The following NEGR1 variants were observed in gnomAD, a reference collection of about 807,000 sequenced individuals.
The protein encoded by NEGR1 is neuronal growth regulator 1.
NEGR1 carries 10 observed loss-of-function variants against 40.9 expected under a neutral mutation model. The observed-to-expected ratio is 0.24, with a 90% CI of 0.15 to 0.42. NEGR1 has a LOEUF of 0.42. Ranked by LOEUF, NEGR1 falls within the 10% of genes least tolerant of loss-of-function variation. The pLI, the probability that NEGR1 is intolerant of heterozygous loss-of-function variation, is 1.00. For synonymous variants in NEGR1, 185 were observed against 166.8 expected, an observed-to-expected ratio of 1.11 and a Z score of -0.84; for missense variants, 352 against 438.9, an observed-to-expected ratio of 0.80 and a Z score of 1.77.
At chr1:72,208,997 A>G (rs1653504932) in intron 1 of NEGR1, among the ~76,000 whole-genome samples, 1 of 151,680 alleles carries the variant, frequency 6.6e-6, no homozygotes, top group African/African-American at 2.4e-5. Flanking sequence ...AGTTTTTGCA[A>G]ATTTTACCTT....
At chr1:71,857,347 C>T (rs1182167740) in intron 2 of NEGR1, among the ~76,000 whole-genome samples, 1 of 150,494 alleles carries the variant, frequency 6.6e-6, no homozygotes, top group African/African-American at 2.4e-5. Flanking sequence ...CACTGTGGCT[C>T]ATGCCTGTAT....
At chr1:71,522,802 T>C (rs1245467801) in intron 6 of NEGR1, among the ~76,000 whole-genome samples, 1 of 149,166 alleles carries the variant, frequency 6.7e-6, no homozygotes, top group Non-Finnish European at 1.5e-5. Flanking sequence ...AGGTACAGAC[T>C]CACACGCTCC....
intron 1 of NEGR1, among the ~76,000 whole-genome samples, chr1:72,277,679 CT>C (rs1436277269): frequency 6.6e-6 from 1 of 151,948 alleles, no homozygotes; most frequent in Non-Finnish European, 1.5e-5. Flanking sequence ...TATCCCTGCT[CT>C]TTTTAAAAAG....
chr1:72,213,792 G>A (rs1653696689), intron 1 of NEGR1, among the ~76,000 whole-genome samples: 1 of 152,052 alleles, frequency 6.6e-6, no homozygotes, highest in South Asian at 2.1e-4. Context: ...GAGGGACAAA[G>A]AGGAGCTGGT....
intron 1 of NEGR1, among the ~76,000 whole-genome samples, chr1:72,210,373 T>A (rs1557580070): frequency 6.6e-6 from 1 of 151,788 alleles, no homozygotes; most frequent in African/African-American, 2.4e-5. Flanking sequence ...AACAAACACA[T>A]AAAACACTTC....
intron 6 of NEGR1, among the ~76,000 whole-genome samples, chr1:71,505,297 C>CT (rs1162684215): frequency 5.3e-5 from 8 of 150,408 alleles, no homozygotes; most frequent in Admixed American, 2.0e-4. Flanking sequence ...CTTTTTTTTT[C>CT]TTTTTTTTGA....
intron 1 of NEGR1, among the ~76,000 whole-genome samples, chr1:72,156,379 A>G (rs1238405108): frequency 6.6e-6 from 1 of 152,134 alleles, no homozygotes; most frequent in Non-Finnish European, 1.5e-5. Flanking sequence ...ATGTCTCAAA[A>G]TATGTCTTGA....
intron 6 of NEGR1, among the ~76,000 whole-genome samples, chr1:71,443,061 C>G (rs192464190): frequency 6.6e-6 from 1 of 152,202 alleles, no homozygotes; most frequent in Non-Finnish European, 1.5e-5. Context: ...TCACCTTGAA[C>G]CTTCTGGTCA....
intron 1 of NEGR1, among the ~76,000 whole-genome samples, chr1:72,192,015 TCTTTA>T (rs1652836983): frequency 6.6e-6 from 1 of 151,974 alleles, no homozygotes; most frequent in African/African-American, 2.4e-5. Flanking sequence ...AAAATTATAG[TCTTTA>T]CTTGTTTTAT....
At position 72,212,387 on chromosome 1, in the gene NEGR1, T is replaced by G. The variant is rs1236627568; in HGVS notation, c.176+69932A>C. 3.9e-5 allele frequency among the ~76,000 whole-genome samples: 6 copies of G among 151,926 alleles called. No homozygotes were observed. The Admixed American group carries it at 4.0e-4, about 10-fold the overall frequency. ...TCATTGGTTAAGCGTTATCCTGAAA[T>G]GGACAGGACCAAATTAAAACATTGG... On this transcript the variant is annotated intron_variant, in intron 1 of 6. Transcript: ENST00000357731.
chr1:72,227,553 G>C (rs963760184), intron 1 of NEGR1, among the ~76,000 whole-genome samples: 1 of 152,034 alleles, frequency 6.6e-6, no homozygotes, highest in South Asian at 2.1e-4. Context: ...CCAGGAGTAA[G>C]AGAGTTTAAA....
chr1:72,031,377 G>A lies in NEGR1; in HGVS notation c.177-96066C>T, dbSNP rs573544757. Among the ~76,000 whole-genome samples, 55 of 152,252 alleles carry A rather than the reference G, an allele frequency of 3.6e-4. 1 individual carries two copies. Among genetic ancestry groups the A allele is most frequent in the South Asian group, 1.5e-3 (7 of 4,822 alleles). On this transcript the variant is annotated intron_variant, in intron 1 of 6. Transcript: ENST00000357731. ...CTATATCCAGCCCCACTTTACTCAG[G>A]TGCCATTCCACTTTTACTTATTTTG...
At chr1:71,944,479 A>T (rs1483527870) in intron 1 of NEGR1, among the ~76,000 whole-genome samples, 1 of 152,176 alleles carries the variant, frequency 6.6e-6, no homozygotes, top group South Asian at 2.1e-4. Flanking sequence ...CAGCAATTGC[A>T]GCTCGTCTCC....
chr1:71,527,402 A>ACCATCCAT (rs71095944), intron 6 of NEGR1, among the ~76,000 whole-genome samples: 103 of 147,914 alleles, frequency 7.0e-4, no homozygotes, highest in South Asian at 3.0e-3. Context: ...CCATCCAACC[A>ACCATCCAT]CCATCCATCC....
intron 1 of NEGR1, among the ~76,000 whole-genome samples, chr1:72,110,388 A>C (rs2100266262): frequency 6.6e-6 from 1 of 151,708 alleles, no homozygotes; most frequent in Admixed American, 6.6e-5. Flanking sequence ...TGCACTTGAC[A>C]ACTTGATAGG....
intron 6 of NEGR1, among the ~76,000 whole-genome samples, chr1:71,479,931 A>G (rs1314796821): frequency 2.0e-5 from 3 of 151,894 alleles, no homozygotes; most frequent in Non-Finnish European, 4.4e-5. Flanking sequence ...AGCATGCTTT[A>G]AGTACTTGCA....
Position 71,837,055 on chromosome 1 carries a change from C to G in NEGR1, c.410-60758G>C, listed in dbSNP as rs1314561798. On this transcript the variant is annotated intron_variant, in intron 2 of 6. Coordinates refer to ENST00000357731, the MANE Select transcript of NEGR1 (RefSeq NM_173808.3). ...TTAGTATGTGAAACAACTAACTGAT[C>G]TAATGCTGTTTACCGTCAAGTCACC... is the stretch of plus-strand genomic sequence containing the variant. The G allele has an allele frequency of 2.6e-5, 4 of 152,224 alleles. No homozygotes were observed. The East Asian group carries it at 7.8e-4, about 30-fold the overall frequency. 9.4% of individuals were successfully genotyped at this position (152,224 alleles called of 1,614,324 possible). A position where few individuals can be genotyped will look rare whatever the true frequency, so the allele number is the denominator to read the frequency against.
intron 1 of NEGR1, among the ~76,000 whole-genome samples, chr1:72,224,035 A>G (rs1654096928): frequency 6.6e-6 from 1 of 152,112 alleles, no homozygotes; most frequent in Non-Finnish European, 1.5e-5. Flanking sequence ...GTTTAAATTC[A>G]TTATGCTGAT....
rs915514490 is a variant in NEGR1 at position 71,750,138 on chromosome 1, C to T, written c.535+26034G>A. 2.1e-4 allele frequency among the ~76,000 whole-genome samples: 32 copies of T among 152,114 alleles called. 1 individual carries two copies. Among genetic ancestry groups the T allele is most frequent in the South Asian group, 8.3e-4 (4 of 4,808 alleles). On this transcript the variant is annotated intron_variant, in intron 3 of 6. Coordinates refer to ENST00000357731, the MANE Select transcript of NEGR1 (RefSeq NM_173808.3). Reference sequence around the variant, plus strand: ...CCTCCCGAGTAGCTGGGACTACAGGCGCCCGCCACCGCGCCCGGCTAATTT... The same window carrying T: ...CCTCCCGAGTAGCTGGGACTACAGGTGCCCGCCACCGCGCCCGGCTAATTT...
Sources: gnomAD v4.1 joint callset for allele counts (sites outside exome capture counted in the v4.1 genomes callset) on GRCh38, gnomAD v4.1.1 for gene constraint, MANE v1.5 for transcripts, NCBI Gene and HGNC (gene_info 2026-07-23, HGNC 2026-07-21) for gene names.